The following KIF3A variants were observed in gnomAD, a reference collection of about 807,000 sequenced individuals.
KIF3A encodes kinesin family member 3A.
KIF3A carries 27 observed loss-of-function variants against 92.6 expected under a neutral mutation model. The observed-to-expected ratio is 0.29, with a 90% CI of 0.21 to 0.40. The LOEUF (loss-of-function observed/expected upper bound fraction) is 0.40. KIF3A is among the 10% of genes least tolerant of loss of function. The pLI, the probability that KIF3A is intolerant of heterozygous loss-of-function variation, is 1.00. For synonymous variants in KIF3A, 250 were observed against 275.4 expected (o/e 0.91, Z 0.92); for missense variants, 581 against 872.6 (o/e 0.67, Z 4.21).
downstream of KIF3A, among the ~76,000 whole-genome samples, chr5:132,689,208 G>C (rs1194208575): frequency 6.6e-6 from 1 of 152,200 alleles, no homozygotes; most frequent in African/African-American, 2.4e-5. Context: ...GAGAAATTGA[G>C]ATAATAATTA....
chr5:132,737,142 C>G (rs1754423467), intron 1 of KIF3A, among the ~76,000 whole-genome samples: 1 of 152,242 alleles, frequency 6.6e-6, no homozygotes, highest in Non-Finnish European at 1.5e-5. Flanking sequence ...TCCTCCAGCA[C>G]AGCGCCTTTT....
intron 9 of KIF3A, among the ~76,000 whole-genome samples, chr5:132,710,616 AAAACAAAC>A (rs536237180): frequency 7.7e-4 from 117 of 152,306 alleles, no homozygotes; most frequent in African/African-American, 2.6e-3. Flanking sequence ...ACTCCGTCTC[AAAACAAAC>A]AAACAAACAA....
At chr5:132,737,390 C>A in intron 1 of KIF3A, 24 bp downstream of exon 1, 1 of 1,608,464 alleles carries the variant, frequency 6.2e-7, no homozygotes, top group Non-Finnish European at 8.5e-7. Context: ...GAAGAAACCC[C>A]AGAAGCGAAG....
intron 4 of KIF3A, among the ~76,000 whole-genome samples, chr5:132,722,882 C>G (rs1041071327): frequency 1.3e-5 from 2 of 152,090 alleles, no homozygotes; most frequent in African/African-American, 4.8e-5. Flanking sequence ...ATTCTATATG[C>G]CTCTATTTTA....
chr5:132,691,427 G>C (rs1032037686), downstream of KIF3A, among the ~76,000 whole-genome samples: 1 of 150,502 alleles, frequency 6.6e-6, no homozygotes, highest in Non-Finnish European at 1.5e-5. Context: ...CATGCCTGTA[G>C]TCCCAGCTAC....
At chr5:132,703,711 C>T (rs1380685611) in intron 11 of KIF3A, 92 bp from the exon 12 acceptor site, 1 of 825,858 alleles carries the variant, frequency 1.2e-6, no homozygotes, top group African/African-American at 1.7e-5. Flanking sequence ...AATGCCTACA[C>T]TCCTCAATAA....
intron 8 of KIF3A, among the ~76,000 whole-genome samples, chr5:132,712,534 T>C (rs1753463596): frequency 6.6e-6 from 1 of 152,152 alleles, no homozygotes; most frequent in African/African-American, 2.4e-5. Context: ...ATGATGAGAA[T>C]AGAAAATAAC....
rs763983078 is a variant in KIF3A, at chr5:132,702,550, G to A, written c.1758+8C>T. ...CTGCATTAGTAGGTAATTTCTAAGAGAACCAACCTCTGACTTTGCAGCCAT... is the reference window on the plus strand; with the variant it reads ...CTGCATTAGTAGGTAATTTCTAAGAAAACCAACCTCTGACTTTGCAGCCAT... On this transcript the variant is annotated splice_region_variant and intron_variant, in intron 14 of 18. Coordinates refer to ENST00000403231, the MANE Select transcript of KIF3A (RefSeq NM_001300791.2). 6.4e-7 allele frequency: 1 copy of A among 1,560,178 alleles called. No homozygotes were observed. Among genetic ancestry groups the A allele is most frequent in the South Asian group, 1.2e-5 (1 of 84,154 alleles).
intron 1 of KIF3A, among the ~76,000 whole-genome samples, chr5:132,735,073 A>AT (rs200800530): frequency 2.4e-4 from 36 of 150,902 alleles, no homozygotes; most frequent in Admixed American, 8.6e-4. Flanking sequence ...CCATTTCTGA[A>AT]TTTTTTTTTT....
At chr5:132,715,976 A>G (rs1452709256) in intron 7 of KIF3A, 45 bp from the exon 8 acceptor site, 1 of 1,336,174 alleles carries the variant, frequency 7.5e-7, no homozygotes, top group African/African-American at 1.5e-5. Context: ...CACTTGACAG[A>G]GTTAAAATTA....
chr5:132,703,334 CTA>C lies in KIF3A; in HGVS notation c.1466+127_1466+128del, dbSNP rs1753106549. The C allele has an allele frequency of 2.4e-5, 19 of 775,710 alleles. 1 individual carries two copies. The South Asian group carries it at 3.6e-4, about 15-fold the overall frequency. 48.1% of individuals were successfully genotyped at this position (775,710 alleles called of 1,614,324 possible). On this transcript the variant is annotated intron_variant, in intron 12 of 18. Transcript: ENST00000403231. Reference sequence around the variant, plus strand: ...AATACACTATATACAATGGACCCTTCTATCCAAAATAGCTACACTGGAGACAA... The same window carrying C: ...AATACACTATATACAATGGACCCTTCTCCAAAATAGCTACACTGGAGACAA...
At chr5:132,691,911 A>G (rs1752674259), downstream of KIF3A, among the ~76,000 whole-genome samples, 1 of 151,366 alleles carries the variant, frequency 6.6e-6, no homozygotes, top group African/African-American at 2.4e-5. Context: ...TCAAAAAATA[A>G]GATAAATAAA....
chr5:132,708,850 C>T, intron 10 of KIF3A, 57 bp downstream of exon 10: 1 of 1,167,786 alleles, frequency 8.6e-7, no homozygotes, highest in African/African-American at 1.5e-5. Flanking sequence ...TCAAATGAAG[C>T]CCATGGGTTA....
Position 132,732,972 on chromosome 5 carries a change from T to G in KIF3A, c.280+1233A>C, listed in dbSNP as rs115347817. Reference sequence around the variant, plus strand: ...TTATATGTTACAATAGGGATGAAGCTTGAAAACACTGTAAGTGAAAGAAGT... The same window carrying G: ...TTATATGTTACAATAGGGATGAAGCGTGAAAACACTGTAAGTGAAAGAAGT... On this transcript the variant is annotated intron_variant, in intron 2 of 18. Transcript: ENST00000403231. 3.0e-3 allele frequency among the ~76,000 whole-genome samples: 458 copies of G among 152,000 alleles called. 3 individuals are homozygous for G. Among genetic ancestry groups the G allele is most frequent in the Non-Finnish European group, 5.0e-3 (341 of 67,982 alleles).
At chr5:132,724,975 A>G (rs189673789) in intron 4 of KIF3A, among the ~76,000 whole-genome samples, 4 of 149,762 alleles carry the variant, frequency 2.7e-5, no homozygotes, top group Admixed American at 2.0e-4. Flanking sequence ...CCTAAAAACT[A>G]TAACAACAAT....
At position 132,726,439 on chromosome 5, in the gene KIF3A, G is replaced by C. The variant is rs965352693; in HGVS notation, c.340C>G (p.Arg114Gly). 1 of 1,613,380 alleles carries C rather than the reference G, an allele frequency of 6.2e-7. No homozygotes were observed. The part of the protein sequence containing the change: ...TGKTFTMEGV[R>G]AIPELRGIIP... Reference sequence around the variant, plus strand: ...ATTCCTCTAAGTTCAGGAATAGCTCGAACACCTTCCATGGTAAAAGTTTTG... The same window carrying C: ...ATTCCTCTAAGTTCAGGAATAGCTCCAACACCTTCCATGGTAAAAGTTTTG... Residue 114 changes from arginine to glycine, a missense_variant, in exon 3 of 19, where the codon CGA (arginine) becomes GGA (glycine). Arg to Gly is a moderately radical substitution (Grantham distance 125). Around this residue, in one of 5 missense-constraint regions of KIF3A, gnomAD observed 217 missense variants for 299.7 expected, o/e 0.72. Transcript: ENST00000403231.
chr5:132,708,419 G>A (rs1753299249), intron 10 of KIF3A, among the ~76,000 whole-genome samples: 1 of 151,224 alleles, frequency 6.6e-6, no homozygotes, highest in South Asian at 2.1e-4. Flanking sequence ...TTCTTTATTT[G>A]GGAGCCTTTA....
At chr5:132,717,531 T>C (rs1239359447) in intron 5 of KIF3A, among the ~76,000 whole-genome samples, 1 of 151,074 alleles carries the variant, frequency 6.6e-6, no homozygotes, top group Non-Finnish European at 1.5e-5. Context: ...CAGTGCAGCA[T>C]TAAAAAAAAT....
At chr5:132,727,842 C>T (rs1258030672) in intron 2 of KIF3A, among the ~76,000 whole-genome samples, 1 of 152,096 alleles carries the variant, frequency 6.6e-6, no homozygotes, top group Non-Finnish European at 1.5e-5. Context: ...GATGTGATGG[C>T]ATATATGAAA....
Sources: allele counts gnomAD v4.1 joint callset (sites outside exome capture counted in the v4.1 genomes callset), GRCh38; gene constraint gnomAD v4.1.1; regional missense constraint gnomAD v4.1.1; transcripts MANE v1.5; gene names NCBI Gene and HGNC (gene_info 2026-07-23, HGNC 2026-07-21).